The following TMEM232 variants were observed in gnomAD, a reference collection of about 807,000 sequenced individuals.
TMEM232 encodes the protein transmembrane protein 232.
A neutral mutation model predicts 78.8 loss-of-function variants in TMEM232; 80 were observed. The ratio of observed to expected loss-of-function variants is 1.01; its 90% CI spans 0.85 to 1.22. The LOEUF is 1.22. TMEM232 is among the 50% of genes most tolerant of loss of function. The pLI is 0.00. For synonymous variants in TMEM232, 297 were observed against 254.3 expected (o/e 1.17, Z -1.60); for missense variants, 881 against 742.2 (o/e 1.19, Z -2.17).
In TMEM232 at chr5:110,479,689, A is replaced by G. The variant is rs538456100; in HGVS notation, c.1703+48899T>C. Among the ~76,000 whole-genome samples the G allele has an allele frequency of 9.9e-5, 15 of 151,892 alleles. No individual in the cohort carries two copies. The South Asian group carries it at 1.2e-3, about 13-fold the overall frequency. On this transcript the variant is annotated intron_variant, in intron 12 of 13. Coordinates refer to ENST00000455884, the MANE Select transcript of TMEM232 (RefSeq NM_001039763.4). ...ATATTTTGGGTTTTTTTAGTTGACC[A>G]CTAATTTTTACTTAATAGTCTCTGT...
Position 110,528,473 on chromosome 5 carries a change from TTTGAA to T in TMEM232, c.1703+110_1703+114del. ...CATCTAAGAGGTGATCAAGCCAAAA[TTTGAA>T]TTGAAGAAGAGAAACTGAGTTAAAT... On this transcript the variant is annotated intron_variant, in intron 12 of 13. Coordinates refer to ENST00000455884, the MANE Select transcript of TMEM232 (RefSeq NM_001039763.4). 6 of 1,192,282 alleles carry T rather than the reference TTTGAA, an allele frequency of 5.0e-6. No individual in the cohort carries two copies. The South Asian group carries it at 6.4e-5, about 13-fold the overall frequency. 73.9% of individuals were successfully genotyped at this position (1,192,282 alleles called of 1,614,324 possible).
intron 12 of TMEM232, among the ~76,000 whole-genome samples, chr5:110,428,160 G>A (rs1388004959): frequency 6.6e-6 from 1 of 151,410 alleles, no homozygotes; most frequent in Non-Finnish European, 1.5e-5. Flanking sequence ...CCCAGCCCTG[G>A]TAACAATCCT....
intron 1 of TMEM232, among the ~76,000 whole-genome samples, chr5:110,737,842 A>C (rs1025526096): frequency 3.9e-5 from 6 of 152,186 alleles, no homozygotes; most frequent in Admixed American, 2.0e-4. Flanking sequence ...TGGACATTTA[A>C]ATTTTATACA....
At chr5:110,563,138 T>C (rs943915473) in intron 11 of TMEM232, among the ~76,000 whole-genome samples, 1 of 151,970 alleles carries the variant, frequency 6.6e-6, no homozygotes. Context: ...GAAAACACCC[T>C]TTAAATGTCT....
intron 11 of TMEM232, among the ~76,000 whole-genome samples, chr5:110,544,441 CAA>C (rs575755362): frequency 0.042 from 3,173 of 75,618 alleles, 31 homozygotes; most frequent in Non-Finnish European, 0.047. Context: ...ACACACATAT[CAA>C]AAAAAAAAAA....
At chr5:110,736,568 CTAATG>C (rs138353997) in intron 1 of TMEM232, among the ~76,000 whole-genome samples, 12,893 of 152,072 alleles carry the variant, frequency 0.085, 564 homozygotes, top group Admixed American at 0.12. Flanking sequence ...ATACTCATCT[CTAATG>C]TAATCTATAA....
chr5:110,693,773 A>G (rs1440036452), intron 1 of TMEM232, among the ~76,000 whole-genome samples: 3 of 152,158 alleles, frequency 2.0e-5, no homozygotes, highest in Non-Finnish European at 4.4e-5. Flanking sequence ...AAAAAGAAAC[A>G]AACAAAGCCT....
chr5:110,436,481 T>C (rs1758447010), intron 12 of TMEM232, among the ~76,000 whole-genome samples: 1 of 152,094 alleles, frequency 6.6e-6, no homozygotes, highest in Non-Finnish European at 1.5e-5. Context: ...TTTGTCCACA[T>C]TTCCTTTGGT....
intron 10 of TMEM232, among the ~76,000 whole-genome samples, chr5:110,572,917 T>C (rs532035437): frequency 2.0e-5 from 3 of 152,208 alleles, no homozygotes; most frequent in South Asian, 4.1e-4. Flanking sequence ...ATGCCTGCTA[T>C]GAAATGTTTC....
At chr5:110,598,022 T>C (rs1780400108) in intron 10 of TMEM232, among the ~76,000 whole-genome samples, 1 of 152,064 alleles carries the variant, frequency 6.6e-6, no homozygotes, top group African/African-American at 2.4e-5. Flanking sequence ...TGGGATCTAA[T>C]TAAACTAAAG....
At chr5:110,730,602 A>T (rs540830898), upstream of TMEM232, among the ~76,000 whole-genome samples, 1 of 152,294 alleles carries the variant, frequency 6.6e-6, no homozygotes, top group East Asian at 1.9e-4. Context: ...GGTGAAAGGC[A>T]CTTCTTACAT....
At chr5:110,535,793 G>C (rs1330158217) in intron 11 of TMEM232, among the ~76,000 whole-genome samples, 2 of 152,116 alleles carry the variant, frequency 1.3e-5, no homozygotes, top group Non-Finnish European at 2.9e-5. Context: ...TGTAATCAAA[G>C]ATAGCATTAA....
At chr5:110,650,278 T>C (rs564064487) in intron 2 of TMEM232, among the ~76,000 whole-genome samples, 3 of 152,128 alleles carry the variant, frequency 2.0e-5, no homozygotes, top group Non-Finnish European at 2.9e-5. Flanking sequence ...AACAGAAATC[T>C]AAATTTTCTT....
intron 12 of TMEM232, among the ~76,000 whole-genome samples, chr5:110,469,060 G>T (rs1762390676): frequency 6.6e-6 from 1 of 152,088 alleles, no homozygotes; most frequent in Non-Finnish European, 1.5e-5. Context: ...TCAACATTTT[G>T]GAACCTAAAG....
intron 11 of TMEM232, among the ~76,000 whole-genome samples, chr5:110,541,196 A>T (rs1360074688): frequency 6.6e-6 from 1 of 152,152 alleles, no homozygotes. Flanking sequence ...CAGGCTCTTC[A>T]CTGGGCCTAA....
chr5:110,484,837 A>G (rs2149403582), intron 12 of TMEM232, among the ~76,000 whole-genome samples: 1 of 152,262 alleles, frequency 6.6e-6, no homozygotes, highest in African/African-American at 2.4e-5. Flanking sequence ...ATATGAAGCA[A>G]AAGTTGACAG....
At chr5:110,722,631 A>G (rs1797760598) in intron 1 of TMEM232, among the ~76,000 whole-genome samples, 1 of 152,196 alleles carries the variant, frequency 6.6e-6, no homozygotes, top group Non-Finnish European at 1.5e-5. Flanking sequence ...AAATGCCTTT[A>G]TACCTAGCCT....
At chr5:110,639,463 A>G (rs146020542) in intron 4 of TMEM232, among the ~76,000 whole-genome samples, 120 of 152,336 alleles carry the variant, frequency 7.9e-4, no homozygotes, top group African/African-American at 2.8e-3. Flanking sequence ...CAGCTAAGAT[A>G]GCTGCCCTCT....
intron 2 of TMEM232, among the ~76,000 whole-genome samples, chr5:110,650,583 A>G (rs1788168697): frequency 6.6e-6 from 1 of 152,188 alleles, no homozygotes; most frequent in Non-Finnish European, 1.5e-5. Context: ...TAAACCCAGT[A>G]TAATCATGAG....
Sources: gnomAD v4.1 joint callset for allele counts (sites outside exome capture counted in the v4.1 genomes callset) on GRCh38, gnomAD v4.1.1 for gene constraint, MANE v1.5 for transcripts, NCBI Gene and HGNC (gene_info 2026-07-23, HGNC 2026-07-21) for gene names.